PPFIA2: variants seen among roughly 807,000 people sequenced by gnomAD.
The protein encoded by PPFIA2 is liprin-alpha-2.
A neutral mutation model predicts 175.5 loss-of-function variants in PPFIA2; 46 were observed. That is an observed-to-expected ratio of 0.26 (90% CI 0.21 to 0.34). The LOEUF (loss-of-function observed/expected upper bound fraction) is 0.34, where lower values mean the gene tolerates loss of function less well. Among genes scored for constraint, PPFIA2 ranks in the 10% least tolerant of loss-of-function variants. The pLI, the probability that PPFIA2 is intolerant of heterozygous loss-of-function variation, is 1.00. For synonymous variants in PPFIA2, 568 were observed against 511.4 expected (o/e 1.11, Z -1.49); for missense variants, 1,179 against 1,506.1 (o/e 0.78, Z 3.60).
intron 4 of PPFIA2, among the ~76,000 whole-genome samples, chr12:81,589,599 C>T (rs2058439714): frequency 6.6e-6 from 1 of 152,066 alleles, no homozygotes; most frequent in South Asian, 2.1e-4. Context: ...TTGGAAATTA[C>T]ATAGTTTAGA....
At chr12:81,731,686 A>C (rs1469897090) in intron 3 of PPFIA2, among the ~76,000 whole-genome samples, 1 of 151,674 alleles carries the variant, frequency 6.6e-6, no homozygotes, top group African/African-American at 2.4e-5. Context: ...GAAAACAGAC[A>C]ACCTTGGGTA....
intron 4 of PPFIA2, among the ~76,000 whole-genome samples, chr12:81,568,047 C>A (rs115285391): frequency 0.011 from 1,610 of 152,282 alleles, 34 homozygotes; most frequent in African/African-American, 0.036. Flanking sequence ...TGTTCCTAAT[C>A]TGACTAACAC....
chr12:81,281,560 C>G (rs948720444), intron 26 of PPFIA2, 110 bp from the exon 27 acceptor site: 16 of 697,136 alleles, frequency 2.3e-5, no homozygotes, highest in Non-Finnish European at 3.5e-5. Context: ...TATGTGGAAA[C>G]AAAGCAAAAA....
In PPFIA2 at chr12:81,268,012, A is replaced by G. The variant is rs765605107; in HGVS notation, c.3386T>C (p.Ile1129Thr). 30 of 1,597,298 alleles carry G rather than the reference A, an allele frequency of 1.9e-5. No homozygotes were observed. The Admixed American group carries it at 5.0e-4, about 27-fold the overall frequency. ...AIGLREYANN[I>T]LESGVHGSLI... ...TGAGCCATGCACACCGCTCTCAAGTATATTATTTGCATATTCTCGAAGTCC... is the reference window on the plus strand; with the variant it reads ...TGAGCCATGCACACCGCTCTCAAGTGTATTATTTGCATATTCTCGAAGTCC... The change falls in exon 29 of 33, where the codon ATA becomes ACA. Residue 1129 changes from isoleucine to threonine, a missense_variant. Coordinates refer to ENST00000549396, the MANE Select transcript of PPFIA2 (RefSeq NM_003625.5).
At chr12:81,460,596 G>A (rs1314757434) in intron 4 of PPFIA2, among the ~76,000 whole-genome samples, 2 of 151,952 alleles carry the variant, frequency 1.3e-5, no homozygotes, top group African/African-American at 4.8e-5. Context: ...CTGTGTAGAG[G>A]CAGATATCTC....
At position 81,261,942 on chromosome 12, in the gene PPFIA2, T is replaced by C. The variant is rs371448330; in HGVS notation, c.*33+7A>G. On this transcript the variant is annotated splice_region_variant and intron_variant, in intron 32 of 32. Transcript: ENST00000549396. ...TTTTTTTTGTCAGCCAAAGGGAAAC[T>C]ACTCACAGCAGGTCAGTGCTGCCTC... 1.3e-6 allele frequency: 2 copies of C among 1,541,784 alleles called. No individual in the cohort carries two copies. The highest frequency in any genetic ancestry group is 1.8e-6 in the Non-Finnish European group (2 of 1,135,450).
intron 14 of PPFIA2, among the ~76,000 whole-genome samples, chr12:81,363,144 T>C (rs1408777060): frequency 1.3e-5 from 2 of 151,518 alleles, no homozygotes; most frequent in African/African-American, 4.8e-5. Context: ...ATGAAGAACT[T>C]TCATTATTCT....
At chr12:81,298,728 T>A (rs1300885328) in intron 23 of PPFIA2, among the ~76,000 whole-genome samples, 1 of 152,222 alleles carries the variant, frequency 6.6e-6, no homozygotes, top group Non-Finnish European at 1.5e-5. Context: ...CAGAACACTA[T>A]GTTGTACAGG....
intron 4 of PPFIA2, among the ~76,000 whole-genome samples, chr12:81,520,211 T>C (rs181294191): frequency 1.3e-5 from 2 of 152,292 alleles, no homozygotes; most frequent in Non-Finnish European, 2.9e-5. Flanking sequence ...TGTTGATGGC[T>C]GGATGTCAGG....
At chr12:81,454,880 CCT>C (rs2053299254) in intron 5 of PPFIA2, among the ~76,000 whole-genome samples, 1 of 151,584 alleles carries the variant, frequency 6.6e-6, no homozygotes. Flanking sequence ...ATGGAGTCTC[CCT>C]CTGTCGCCCA....
intron 4 of PPFIA2, among the ~76,000 whole-genome samples, chr12:81,583,422 C>G (rs554302957): frequency 5.9e-5 from 9 of 151,782 alleles, no homozygotes; most frequent in Non-Finnish European, 1.3e-4. Context: ...TTAACCTCAC[C>G]CTTTTCAATT....
At chr12:81,591,743 G>C (rs1218768871) in intron 4 of PPFIA2, among the ~76,000 whole-genome samples, 1 of 152,174 alleles carries the variant, frequency 6.6e-6, no homozygotes, top group Non-Finnish European at 1.5e-5. Flanking sequence ...ATTGAGGTTT[G>C]GGACCTTCTG....
rs890885984 is a variant in PPFIA2, at chr12:81,632,093, A to G, written c.303+44698T>C. On this transcript the variant is annotated intron_variant, in intron 4 of 32. Transcript: ENST00000549396. ...GGTATTTTTAAATATACTTCTTATCAAAATACAACTTTAGAAAATATTCAT... is the reference window on the plus strand; with the variant it reads ...GGTATTTTTAAATATACTTCTTATCGAAATACAACTTTAGAAAATATTCAT... Among the ~76,000 whole-genome samples the G allele has an allele frequency of 2.6e-5, 4 of 152,334 alleles. No homozygotes were observed. The South Asian group carries it at 8.3e-4, about 32-fold the overall frequency.
intron 4 of PPFIA2, among the ~76,000 whole-genome samples, chr12:81,608,666 T>C (rs1351819000): frequency 6.6e-6 from 1 of 152,070 alleles, no homozygotes; most frequent in African/African-American, 2.4e-5. Context: ...TGACTGTACT[T>C]ATTTGGATCT....
At chr12:81,537,940 G>A (rs1314253311) in intron 4 of PPFIA2, among the ~76,000 whole-genome samples, 1 of 151,766 alleles carries the variant, frequency 6.6e-6, no homozygotes, top group African/African-American at 2.4e-5. Flanking sequence ...ATTTTGTTCA[G>A]GACACTAACA....
intron 4 of PPFIA2, among the ~76,000 whole-genome samples, chr12:81,525,959 C>CT (rs928994164): frequency 6.6e-6 from 1 of 151,972 alleles, no homozygotes; most frequent in African/African-American, 2.4e-5. Context: ...TCTAAGTAAT[C>CT]TAGTCATTGG....
At chr12:81,436,911 G>A (rs891305045) in intron 7 of PPFIA2, among the ~76,000 whole-genome samples, 12 of 152,064 alleles carry the variant, frequency 7.9e-5, no homozygotes, top group Admixed American at 5.9e-4. Context: ...TTAATAATGA[G>A]CACGATAATT....
At chr12:81,650,159 G>A (rs1433198550) in intron 4 of PPFIA2, among the ~76,000 whole-genome samples, 3 of 151,810 alleles carry the variant, frequency 2.0e-5, no homozygotes, top group East Asian at 1.9e-4. Context: ...ACAGGCGCCC[G>A]CCACTGCACC....
At chr12:81,726,720 G>A (rs1296749471) in intron 3 of PPFIA2, among the ~76,000 whole-genome samples, 9 of 151,190 alleles carry the variant, frequency 6.0e-5, no homozygotes, top group Admixed American at 1.3e-4. Flanking sequence ...ATTGCTATTC[G>A]CTCAAAAAAG....
Sources: gnomAD v4.1 joint callset for allele counts (sites outside exome capture counted in the v4.1 genomes callset) on GRCh38, gnomAD v4.1.1 for gene constraint, MANE v1.5 for transcripts, NCBI Gene and HGNC (gene_info 2026-07-23, HGNC 2026-07-21) for gene names.